Variants in NYAP2 observed in about 807,000 individuals in gnomAD.
The protein encoded by NYAP2 is neuronal tyrosine-phosphorylated phosphoinositide-3-kinase adaptor 2.
In NYAP2, 23 loss-of-function variants were observed where a neutral mutation model predicts 50.4. That is an observed-to-expected ratio of 0.46 (90% CI 0.33 to 0.65). The LOEUF (loss-of-function observed/expected upper bound fraction) is 0.65. Among genes scored for constraint, NYAP2 ranks in the 30% least tolerant of loss-of-function variants. The pLI, the probability that NYAP2 is intolerant of heterozygous loss-of-function variation, is 0.02. For missense variants in NYAP2, 885 were observed against 861.0 expected (o/e 1.03, Z -0.35); for synonymous variants, 394 against 365.2 (o/e 1.08, Z -0.90).
chr2:225,559,002 A>T (rs181046064), intron 4 of NYAP2, among the ~76,000 whole-genome samples: 1 of 152,114 alleles, frequency 6.6e-6, no homozygotes, highest in African/African-American at 2.4e-5. Context: ...CTCCTTGAGG[A>T]TATTTTATGA....
At chr2:225,562,211 T>A (rs1691888042) in intron 4 of NYAP2, among the ~76,000 whole-genome samples, 2 of 152,170 alleles carry the variant, frequency 1.3e-5, no homozygotes, top group Admixed American at 1.3e-4. Flanking sequence ...GAACAGTTTC[T>A]GCTATTGCTT....
intron 3 of NYAP2, among the ~76,000 whole-genome samples, chr2:225,474,769 G>T (rs932033495): frequency 1.3e-5 from 2 of 152,222 alleles, no homozygotes; most frequent in South Asian, 2.1e-4. Flanking sequence ...AGGACAATTT[G>T]ACTTCCTCTT....
At chr2:225,550,538 G>A (rs1302414353) in intron 4 of NYAP2, among the ~76,000 whole-genome samples, 2 of 152,064 alleles carry the variant, frequency 1.3e-5, no homozygotes, top group South Asian at 2.1e-4. Flanking sequence ...TTAGAGAGGA[G>A]GCAAACATAA....
rs746382288 is a variant in NYAP2, at chr2:225,582,221, C to T, written c.804C>T (p.Tyr268=). 2.8e-5 allele frequency: 45 copies of T among 1,614,014 alleles called. No homozygotes were observed. In the Admixed American group the frequency reaches 6.5e-4, roughly 23 times the overall value. The change falls in exon 5 of 7, where the codon TAC becomes TAT. Residue 268 remains tyrosine, a synonymous_variant. Coordinates refer to ENST00000636099, the Ensembl canonical transcript of NYAP2. The surrounding 1 kb of genome is among the most constrained non-coding windows in gnomAD (Gnocchi z 7.0). ...ACGATGACCAGAGCGAGGCCGTCTA[C>T]GAGGAAATGAAGTACCCTATCTTTG...
At chr2:225,463,210 T>C (rs1480403270) in intron 3 of NYAP2, among the ~76,000 whole-genome samples, 2 of 152,264 alleles carry the variant, frequency 1.3e-5, no homozygotes, top group African/African-American at 4.8e-5. Flanking sequence ...TTAGCTGTCA[T>C]AACAGGGTGA....
intron 3 of NYAP2, among the ~76,000 whole-genome samples, chr2:225,478,449 G>A (rs1218894110): frequency 6.6e-6 from 1 of 152,154 alleles, no homozygotes; most frequent in Non-Finnish European, 1.5e-5. Flanking sequence ...CTCACAGCAG[G>A]TTTAGTAACA....
intron 3 of NYAP2, among the ~76,000 whole-genome samples, chr2:225,414,318 A>G (rs762339209): frequency 6.6e-5 from 10 of 152,204 alleles, no homozygotes; most frequent in Non-Finnish European, 1.2e-4. Flanking sequence ...AAAAAGACTT[A>G]AAGGAAACAA....
At chr2:225,683,516 T>C in the NYAP2 span, among the ~76,000 whole-genome samples, 1 of 152,222 alleles carries the variant, frequency 6.6e-6, no homozygotes, top group Non-Finnish European at 1.5e-5. Context: ...GACATCATAT[T>C]ATCTTAATGA....
At chr2:225,527,234 A>G (rs1240604509) in intron 4 of NYAP2, among the ~76,000 whole-genome samples, 2 of 152,316 alleles carry the variant, frequency 1.3e-5, no homozygotes, top group East Asian at 3.9e-4. Context: ...CTTCCATGAG[A>G]AATCAATAAG....
intron 3 of NYAP2, among the ~76,000 whole-genome samples, chr2:225,463,041 A>G (rs748565304): frequency 1.3e-5 from 2 of 152,246 alleles, no homozygotes; most frequent in African/African-American, 4.8e-5. Flanking sequence ...GTAGGTGGAG[A>G]CAGGTAAACT....
intron 5 of NYAP2, among the ~76,000 whole-genome samples, chr2:225,615,897 G>A (rs1692980718): frequency 6.6e-6 from 1 of 152,152 alleles, no homozygotes; most frequent in Non-Finnish European, 1.5e-5. Flanking sequence ...TGGCAGAGCA[G>A]GGGCAATGCT....
chr2:225,522,416 C>A (rs1262674930), intron 4 of NYAP2, among the ~76,000 whole-genome samples: 1 of 152,046 alleles, frequency 6.6e-6, no homozygotes, highest in African/African-American at 2.4e-5. Context: ...TCTTTGGAAG[C>A]AAAAATTGGG....
chr2:225,409,074 G>A lies in NYAP2; in HGVS notation c.194G>A (p.Arg65His), dbSNP rs375169851. Residue 65 changes from arginine to histidine, a missense_variant, in exon 3 of 7, where the codon CGC becomes CAC. Physicochemically the swap from Arg to His is conservative, Grantham distance 29 (BLOSUM62 0). Transcript: ENST00000636099. ...TATTTGAAAGAGAAGAATGAAAAAC[G>A]CCGAAGACAAGAAGAAGCAATAAAG... The A allele has an allele frequency of 5.0e-6, 8 of 1,607,080 alleles. No homozygotes were observed. In the South Asian group the frequency reaches 6.6e-5, roughly 13 times the overall value.
intron 4 of NYAP2, among the ~76,000 whole-genome samples, chr2:225,521,951 A>C (rs1031386140): frequency 1.3e-5 from 2 of 151,970 alleles, no homozygotes; most frequent in African/African-American, 4.8e-5. Context: ...ACAATTTCAG[A>C]GCCTGTTATT....
intron 4 of NYAP2, among the ~76,000 whole-genome samples, chr2:225,580,264 T>C (rs1692249203): frequency 1.3e-5 from 2 of 152,218 alleles, no homozygotes; most frequent in African/African-American, 4.8e-5. Context: ...GTATATAATC[T>C]GATGACTTAC....
At chr2:225,513,814 G>A (rs1690877949) in intron 4 of NYAP2, 142 bp downstream of exon 4, 1 of 551,688 alleles carries the variant, frequency 1.8e-6, no homozygotes, top group Admixed American at 3.9e-5. Context: ...AAGAATTGAG[G>A]GGAAGGTTAT....
At chr2:225,404,804 A>G (rs1422490409) in intron 2 of NYAP2, among the ~76,000 whole-genome samples, 2 of 152,140 alleles carry the variant, frequency 1.3e-5, no homozygotes, top group East Asian at 3.9e-4. Context: ...TAATCTAAAA[A>G]CTTAAACAAA....
intron 6 of NYAP2, among the ~76,000 whole-genome samples, chr2:225,640,776 T>C (rs1470876616): frequency 1.3e-5 from 2 of 152,246 alleles, no homozygotes; most frequent in Admixed American, 6.5e-5. Flanking sequence ...TTACCATATT[T>C]TATATATGCA....
chr2:225,408,473 A>C (rs774094120), intron 2 of NYAP2, among the ~76,000 whole-genome samples: 18 of 152,232 alleles, frequency 1.2e-4, no homozygotes, highest in Non-Finnish European at 2.5e-4. Flanking sequence ...ATTGAACAGA[A>C]AAGTCTTTAT....
Sources: gnomAD v4.1 joint callset for allele counts (sites outside exome capture counted in the v4.1 genomes callset) on GRCh38, gnomAD v4.1.1 for gene constraint, Gnocchi (gnomAD v3.1) non-coding constraint, MANE v1.5 for transcripts, NCBI Gene and HGNC (gene_info 2026-07-23, HGNC 2026-07-21) for gene names.